PCDHGA2: variants seen among roughly 807,000 people sequenced by gnomAD.
The protein encoded by PCDHGA2 is protocadherin gamma subfamily A, 2, also known as protocadherin gamma-A2.
In PCDHGA2, 40 loss-of-function variants were observed where a neutral mutation model predicts 59.2. The ratio of observed to expected loss-of-function variants is 0.68; its 90% CI spans 0.52 to 0.88. PCDHGA2 has a LOEUF of 0.88. Among genes scored for constraint, PCDHGA2 ranks in the 40% least tolerant of loss-of-function variants. PCDHGA2 has a pLI of 0.00. For missense variants in PCDHGA2, 1,226 were observed against 1,204.0 expected, an observed-to-expected ratio of 1.02 and a Z score of -0.27; for synonymous variants, 560 against 526.0, an observed-to-expected ratio of 1.06 and a Z score of -0.89.
intron 1 of PCDHGA2, chr5:141,410,620 G>T (rs765125633): frequency 6.2e-7 from 1 of 1,603,524 alleles, no homozygotes. Flanking sequence ...CTCTGACTTC[G>T]GTGAGTTTCT....
chr5:141,379,251 C>T (rs569528172), intron 1 of PCDHGA2: 1 of 152,224 alleles, frequency 6.6e-6, no homozygotes, highest in African/African-American at 2.4e-5. Flanking sequence ...GTGGTATTTA[C>T]ATTTAAGGAA....
Position 141,372,061 on chromosome 5 carries a change from AC to A in PCDHGA2, c.2424+30667del, listed in dbSNP as rs773665526. On this transcript the variant is annotated intron_variant, in intron 1 of 3. Coordinates refer to ENST00000394576, the MANE Select transcript of PCDHGA2 (RefSeq NM_018915.4). ...CTGCGCGTGTTGGTGGACGACCGCA[AC>A]GACAATGCACCGCTGGTGCTGTACC... 71 of 1,613,454 alleles carry A rather than the reference AC, an allele frequency of 4.4e-5. No homozygotes were observed. The African/African-American group carries it at 9.1e-4, about 21-fold the overall frequency.
At chr5:141,344,389 T>C in intron 1 of PCDHGA2, 1 of 1,611,850 alleles carries the variant, frequency 6.2e-7, no homozygotes, top group Middle Eastern at 1.7e-4. Flanking sequence ...ATTTTTGAAG[T>C]AGAAATAGAA....
chr5:141,461,902 C>A (rs1477274695), intron 1 of PCDHGA2, among the ~76,000 whole-genome samples: 1 of 152,116 alleles, frequency 6.6e-6, no homozygotes, highest in African/African-American at 2.4e-5. Flanking sequence ...CGGCTCACTG[C>A]AACCTCTGCC....
intron 1 of PCDHGA2, chr5:141,430,745 T>C (rs377018529): frequency 1.3e-4 from 191 of 1,499,634 alleles, no homozygotes; most frequent in Non-Finnish European, 1.7e-4. Context: ...AAAATAATTC[T>C]GGAGGAAGAT....
At chr5:141,484,437 T>C (rs2099596528) in intron 1 of PCDHGA2, among the ~76,000 whole-genome samples, 1 of 152,232 alleles carries the variant, frequency 6.6e-6, no homozygotes, top group African/African-American at 2.4e-5. Context: ...ATGTACTGCA[T>C]AAATTTAATT....
At chr5:141,374,864 G>A (rs1342499165) in intron 1 of PCDHGA2, 4 of 1,613,748 alleles carry the variant, frequency 2.5e-6, no homozygotes, top group Non-Finnish European at 3.4e-6. Flanking sequence ...AGGCACACCA[G>A]TGTTGGCAGT....
At chr5:141,419,717 G>A (rs1159633605) in intron 1 of PCDHGA2, 3 of 1,613,236 alleles carry the variant, frequency 1.9e-6, no homozygotes, top group Non-Finnish European at 2.5e-6. Flanking sequence ...CTTCAGCCTG[G>A]GGCTGCGAAC....
At position 141,340,316 on chromosome 5, in the gene PCDHGA2, G is replaced by C; in HGVS notation, c.1345G>C (p.Ala449Pro). Residue 449 changes from alanine to proline, a missense_variant, in exon 1 of 4, where the codon GCA becomes CCA. Transcript: ENST00000394576. The part of the protein sequence containing the change: ...LLQVADINDN[A>P]PAFSRTSYST... ...CCAGGTGGCAGACATCAACGACAACGCACCCGCCTTCTCCCGCACATCCTA... is the reference window on the plus strand; with the variant it reads ...CCAGGTGGCAGACATCAACGACAACCCACCCGCCTTCTCCCGCACATCCTA... 6.2e-7 allele frequency: 1 copy of C among 1,614,034 alleles called. No homozygotes were observed. Among genetic ancestry groups the C allele is most frequent in the South Asian group, 1.1e-5 (1 of 91,080 alleles).
Position 141,477,102 on chromosome 5 carries a change from C to T in PCDHGA2, c.2425-17705C>T. 2.5e-6 allele frequency: 4 copies of T among 1,614,232 alleles called. No homozygotes were observed. The South Asian group carries it at 4.4e-5, about 18-fold the overall frequency. On this transcript the variant is annotated intron_variant, in intron 1 of 3. Coordinates refer to ENST00000394576, the MANE Select transcript of PCDHGA2 (RefSeq NM_018915.4). This position sits in a 1 kb window ranked among gnomAD's most constrained non-coding sequence, Gnocchi z 4.9. Reference sequence around the variant, plus strand: ...TACATCCAGGCCAAAGACAAGGGCGCCAATCCCGAAGGAGCACATTGCAAA... The same window carrying T: ...TACATCCAGGCCAAAGACAAGGGCGTCAATCCCGAAGGAGCACATTGCAAA...
chr5:141,345,495 A>T, intron 1 of PCDHGA2: 2 of 1,614,106 alleles, frequency 1.2e-6, no homozygotes, highest in Non-Finnish European at 1.7e-6. Flanking sequence ...CGCCCGCATC[A>T]CTTATGCATT....
chr5:141,365,788 A>T, intron 1 of PCDHGA2: 1 of 1,613,878 alleles, frequency 6.2e-7, no homozygotes, highest in South Asian at 1.1e-5. Flanking sequence ...ACAACGCTCG[A>T]GTCACCTACT....
intron 1 of PCDHGA2, chr5:141,419,278 A>G: frequency 6.2e-7 from 1 of 1,614,038 alleles, no homozygotes; most frequent in Non-Finnish European, 8.5e-7. Context: ...CCATAGCGCA[A>G]GTCAGTGCCT....
intron 1 of PCDHGA2, chr5:141,429,222 T>C (rs897099159): frequency 6.6e-6 from 1 of 151,494 alleles, no homozygotes; most frequent in Non-Finnish European, 1.5e-5. Context: ...AAAGTGGGTA[T>C]TATGATACTG....
intron 1 of PCDHGA2, chr5:141,398,503 A>G (rs2093664041): frequency 1.9e-6 from 3 of 1,601,316 alleles, no homozygotes; most frequent in Non-Finnish European, 1.7e-6. Flanking sequence ...GATCGAGGAC[A>G]TTAATGACCA....
At chr5:141,385,066 C>G in intron 1 of PCDHGA2, 1 of 1,614,194 alleles carries the variant, frequency 6.2e-7, no homozygotes, top group Non-Finnish European at 8.5e-7. Context: ...GCACAAGTCA[C>G]GCCTGCTGCA....
chr5:141,470,860 T>G (rs2099242265), intron 1 of PCDHGA2, among the ~76,000 whole-genome samples: 1 of 151,788 alleles, frequency 6.6e-6, no homozygotes, highest in South Asian at 2.1e-4. Context: ...GATAAGTTTT[T>G]TGTTTGTTTG....
chr5:141,424,538 A>G (rs547426760), intron 1 of PCDHGA2: 37 of 152,340 alleles, frequency 2.4e-4, no homozygotes, highest in African/African-American at 8.9e-4. Context: ...TATAGAAATA[A>G]CTTGATTTTG....
intron 1 of PCDHGA2, chr5:141,427,241 T>C (rs1381559575): frequency 4.4e-6 from 2 of 456,696 alleles, no homozygotes; most frequent in Admixed American, 2.3e-5. Flanking sequence ...GAGTAGAAGC[T>C]AAGGATGGTG....
Sources: allele counts gnomAD v4.1 joint callset (sites outside exome capture counted in the v4.1 genomes callset), GRCh38; gene constraint gnomAD v4.1.1; non-coding constraint Gnocchi (gnomAD v3.1); transcripts MANE v1.5; gene names NCBI Gene and HGNC (gene_info 2026-07-23, HGNC 2026-07-21).